VGLL4: variants seen among roughly 807,000 people sequenced by gnomAD.
VGLL4 encodes vestigial like family member 4.
A neutral mutation model predicts 21.0 loss-of-function variants in VGLL4; 7 were observed. The observed-to-expected ratio is 0.33, with a 90% CI of 0.19 to 0.63. The LOEUF is 0.63. Among genes scored for constraint, VGLL4 ranks in the 20% least tolerant of loss-of-function variants. The pLI is 0.78. For missense variants in VGLL4, 394 were observed against 425.7 expected, an observed-to-expected ratio of 0.93 and a Z score of 0.66; for synonymous variants, 222 against 173.2, an observed-to-expected ratio of 1.28 and a Z score of -2.21.
chr3:11,571,509 C>T (rs936381852), intron 2 of VGLL4, among the ~76,000 whole-genome samples: 1 of 152,016 alleles, frequency 6.6e-6, no homozygotes, highest in African/African-American at 2.4e-5. Context: ...CATGGCAAAA[C>T]CCCGTCTCTA....
chr3:11,661,628 C>T (rs1284711413), intron 2 of VGLL4, among the ~76,000 whole-genome samples: 4 of 151,918 alleles, frequency 2.6e-5, no homozygotes, highest in African/African-American at 4.8e-5. Flanking sequence ...TCCACCACCA[C>T]GCCCAGCTAA....
chr3:11,633,448 T>A (rs2075522468), intron 1 of VGLL4: 1 of 152,224 alleles, frequency 6.6e-6, no homozygotes, highest in Admixed American at 6.6e-5. Flanking sequence ...GCGGGCAAGA[T>A]CACGAGGTCA....
At chr3:11,570,081 C>G (rs1206572155) in intron 2 of VGLL4, among the ~76,000 whole-genome samples, 1 of 152,116 alleles carries the variant, frequency 6.6e-6, no homozygotes, top group Non-Finnish European at 1.5e-5. Flanking sequence ...CTGCTGCCCC[C>G]TGGGGTTTCT....
chr3:11,700,845 A>T (rs1355303356), intron 2 of VGLL4, among the ~76,000 whole-genome samples: 1 of 152,166 alleles, frequency 6.6e-6, no homozygotes, highest in Non-Finnish European at 1.5e-5. Flanking sequence ...GCCTCTCCCG[A>T]GCTCCAATTC....
At chr3:11,628,660 A>T (rs2075409972) in intron 1 of VGLL4, among the ~76,000 whole-genome samples, 2 of 152,140 alleles carry the variant, frequency 1.3e-5, no homozygotes, top group African/African-American at 4.8e-5. Flanking sequence ...CTCTACTAAA[A>T]ATACAAACAT....
intron 2 of VGLL4, among the ~76,000 whole-genome samples, chr3:11,694,938 T>A (rs961532208): frequency 6.6e-6 from 1 of 152,230 alleles, no homozygotes. Context: ...ATTCTAGTTA[T>A]GAAGTTGTAA....
chr3:11,608,250 G>T (rs1172726931), intron 1 of VGLL4, among the ~76,000 whole-genome samples: 1 of 152,128 alleles, frequency 6.6e-6, no homozygotes, highest in Non-Finnish European at 1.5e-5. Flanking sequence ...AATTCCCAAT[G>T]ACAACTAAAG....
chr3:11,592,202 T>A (rs1442160314), intron 2 of VGLL4, among the ~76,000 whole-genome samples: 1 of 152,250 alleles, frequency 6.6e-6, no homozygotes, highest in Non-Finnish European at 1.5e-5. Flanking sequence ...AAGTAAATTA[T>A]AAAATGCTCC....
At chr3:11,601,222 G>A (rs1372424363) in intron 2 of VGLL4, among the ~76,000 whole-genome samples, 2 of 152,230 alleles carry the variant, frequency 1.3e-5, no homozygotes, top group African/African-American at 4.8e-5. Flanking sequence ...AGCAATTCAT[G>A]TCAAGAAGGT....
At chr3:11,695,802 A>G (rs1343298591) in intron 2 of VGLL4, among the ~76,000 whole-genome samples, 3 of 152,014 alleles carry the variant, frequency 2.0e-5, no homozygotes, top group Non-Finnish European at 4.4e-5. Flanking sequence ...TGCACGGCAC[A>G]CCCCTCTGGT....
chr3:11,614,317 G>A (rs922904960), intron 1 of VGLL4, among the ~76,000 whole-genome samples: 3 of 152,218 alleles, frequency 2.0e-5, no homozygotes, highest in African/African-American at 4.8e-5. Flanking sequence ...CGTGCTGCTG[G>A]CTCCAACTCA....
chr3:11,591,696 T>G (rs1034810144), intron 2 of VGLL4, among the ~76,000 whole-genome samples: 4 of 152,166 alleles, frequency 2.6e-5, no homozygotes, highest in African/African-American at 9.7e-5. Context: ...GGTACCACAC[T>G]CCATTAGCAA....
At chr3:11,582,504 A>G (rs2074256349) in intron 2 of VGLL4, 1 of 749,290 alleles carries the variant, frequency 1.3e-6, no homozygotes, top group Non-Finnish European at 2.1e-6. Flanking sequence ...GGGGTAGGTC[A>G]GGAACTCCTG....
At chr3:11,604,314 C>A (rs570431945) in intron 1 of VGLL4, 4 of 879,496 alleles carry the variant, frequency 4.5e-6, no homozygotes, top group Non-Finnish European at 5.4e-6. Context: ...CAAAACATAG[C>A]GTGACTTACC....
chr3:11,679,226 T>G (rs1313529019), intron 2 of VGLL4, among the ~76,000 whole-genome samples: 1 of 152,190 alleles, frequency 6.6e-6, no homozygotes, highest in African/African-American at 2.4e-5. Flanking sequence ...AACAGCTTCA[T>G]GCAGTTACTG....
chr3:11,643,507 C>G lies in VGLL4; in HGVS notation c.12G>C (p.Met4Ile). 2 of 1,614,014 alleles carry G rather than the reference C, an allele frequency of 1.2e-6. No homozygotes were observed. The highest frequency in any genetic ancestry group is 1.7e-6 in the Non-Finnish European group (2 of 1,179,894). The change falls in exon 1 of 5, where the codon ATG becomes ATC. Residue 4 changes from methionine to isoleucine, a missense_variant. Met to Ile is a conservative substitution (Grantham distance 10, BLOSUM62 1). Transcript: ENST00000430365. ...ACTGATAGTTCAACAGGTCCATCTTCATAAATAGCATTTATTGGGCTAGCA... is the reference window on the plus strand; with the variant it reads ...ACTGATAGTTCAACAGGTCCATCTTGATAAATAGCATTTATTGGGCTAGCA... MLF[M>I]KMDLLNYQYL...
chr3:11,641,724 T>C (rs191658796), intron 1 of VGLL4, among the ~76,000 whole-genome samples: 114 of 152,200 alleles, frequency 7.5e-4, no homozygotes, highest in African/African-American at 2.5e-3. Flanking sequence ...CTACTCAATC[T>C]TCAAAATCAA....
chr3:11,604,239 G>T, intron 1 of VGLL4: 2 of 375,794 alleles, frequency 5.3e-6, no homozygotes, highest in Non-Finnish European at 3.5e-6. Flanking sequence ...ATCTCAGCTT[G>T]CCGGCGCCGG....
chr3:11,598,506 T>C (rs1188819605), intron 2 of VGLL4, among the ~76,000 whole-genome samples: 1 of 152,142 alleles, frequency 6.6e-6, no homozygotes, highest in Non-Finnish European at 1.5e-5. Flanking sequence ...CTTCCTTTTT[T>C]AGAGGCAGGG....
Sources: allele counts gnomAD v4.1 joint callset (sites outside exome capture counted in the v4.1 genomes callset), GRCh38; gene constraint gnomAD v4.1.1; transcripts MANE v1.5; gene names NCBI Gene and HGNC (gene_info 2026-07-23, HGNC 2026-07-21).